Variants in GZMM observed in about 807,000 individuals in gnomAD.
GZMM encodes granzyme M, also known as HU-Met-1.
A neutral mutation model predicts 19.2 loss-of-function variants in GZMM; 23 were observed. That is an observed-to-expected ratio of 1.20 (90% CI 0.86 to 1.69). The LOEUF is 1.69. Among genes scored for constraint, GZMM ranks in the 40% most tolerant of loss-of-function variants. GZMM has a pLI of 0.00. For synonymous variants in GZMM, 178 were observed against 160.2 expected, an observed-to-expected ratio of 1.11 and a Z score of -0.84; for missense variants, 373 against 352.2, an observed-to-expected ratio of 1.06 and a Z score of -0.47.
At chr19:545,396 G>A (rs1370551980) in intron 1 of GZMM, among the ~76,000 whole-genome samples, 1 of 152,228 alleles carries the variant, frequency 6.6e-6, no homozygotes, top group Non-Finnish European at 1.5e-5. Flanking sequence ...CACCCAGGCT[G>A]GAGTGCGATG....
Position 549,098 on chromosome 19 carries a change from GTGTAACAACAGCCGCTTC to G in GZMM, c.528_545del (p.Cys176_Phe181del). 1 of 1,586,086 alleles carries G rather than the reference GTGTAACAACAGCCGCTTC, an allele frequency of 6.3e-7. No individual in the cohort carries two copies. Among genetic ancestry groups the G allele is most frequent in the African/African-American group, 1.3e-5 (1 of 74,680 alleles). ...ACCTCCAAGTGCTGGACACCCGCAT[GTGTAACAACAGCCGCTTC>G]TGGAACGGCAGCCTCTCCCCCAGCA... On this transcript the variant is annotated inframe_deletion, in exon 4 of 5. Transcript: ENST00000264553.
intron 1 of GZMM, among the ~76,000 whole-genome samples, chr19:545,338 G>T (rs1352307988): frequency 2.0e-5 from 3 of 152,136 alleles, no homozygotes; most frequent in Admixed American, 2.0e-4. Flanking sequence ...ACAGACAAAG[G>T]CCCAGGGTGC....
chr19:547,486 G>A (rs1211002617), intron 2 of GZMM, 50 bp downstream of exon 2: 40 of 1,309,058 alleles, frequency 3.1e-5, no homozygotes, highest in Non-Finnish European at 3.7e-5. Flanking sequence ...TCCATCCGAC[G>A]GCGCCCATTC....
intron 1 of GZMM, among the ~76,000 whole-genome samples, chr19:545,580 C>G (rs1339485516): frequency 2.6e-5 from 4 of 151,978 alleles, no homozygotes; most frequent in Non-Finnish European, 5.9e-5. Context: ...CTCCCAACCT[C>G]AGGTGATCCG....
At chr19:544,734 C>CTCCTT (rs1555721585) in intron 1 of GZMM, among the ~76,000 whole-genome samples, 3 of 107,706 alleles carry the variant, frequency 2.8e-5, no homozygotes, top group African/African-American at 7.0e-5. Context: ...CCCTCCCTCC[C>CTCCTT]TCATCTCCCC....
At chr19:547,857 G>A (rs1300218860) in intron 2 of GZMM, among the ~76,000 whole-genome samples, 7 of 152,148 alleles carry the variant, frequency 4.6e-5, no homozygotes, top group East Asian at 1.9e-4. Flanking sequence ...CTCGGGAATC[G>A]ACCTGGTTCC....
intron 1 of GZMM, among the ~76,000 whole-genome samples, chr19:545,118 C>T (rs997096664): frequency 3.3e-5 from 5 of 151,560 alleles, no homozygotes; most frequent in Non-Finnish European, 4.4e-5. Flanking sequence ...TCCTTTCTCC[C>T]GTGCTTCTGT....
intron 1 of GZMM, 93 bp from the exon 2 acceptor site, chr19:547,186 TG>T: frequency 8.4e-7 from 1 of 1,191,464 alleles, no homozygotes. Context: ...CACATCTGCT[TG>T]GGGTCCTGGG....
chr19:546,359 C>G (rs147117950), intron 1 of GZMM, among the ~76,000 whole-genome samples: 301 of 149,934 alleles, frequency 2.0e-3, no homozygotes, highest in African/African-American at 6.6e-3. Flanking sequence ...GCCAACACGG[C>G]GAAACCCTGT....
At position 549,186 on chromosome 19, in the gene GZMM, G is replaced by C. The variant is rs753020053; in HGVS notation, c.612+1G>C. 2 of 1,567,088 alleles carry C rather than the reference G, an allele frequency of 1.3e-6. No individual in the cohort carries two copies. The highest frequency in any genetic ancestry group is 3.8e-5 in the Admixed American group (2 of 53,280). On this transcript the variant is annotated splice_donor_variant, in intron 4 of 4. Coordinates refer to ENST00000264553, the MANE Select transcript of GZMM (RefSeq NM_005317.4). LOFTEE classifies it high-confidence loss of function. ...CTCCAAGGACCAGGCTCCCTGCAAG[G>C]TGAGGGGCGCCCGGGTGGGGCTGGG...
At position 549,645 on chromosome 19, in the gene GZMM, C is replaced by T. The variant is rs542623279; in HGVS notation, c.628C>T (p.Pro210Ser). 6.2e-7 allele frequency: 1 copy of T among 1,612,474 alleles called. No individual in the cohort carries two copies. The highest frequency in any genetic ancestry group is 8.5e-7 in the Non-Finnish European group (1 of 1,179,628). Residue 210 changes from proline to serine, a missense_variant, in exon 5 of 5, where the codon CCC (proline) becomes TCC (serine). By Grantham distance (74) the Pro-to-Ser change is moderately conservative. Transcript: ENST00000264553. ...QAPCKGDSGG[P>S]LVCGKGRVLA... ...GTCCCTGCAGGGTGACTCGGGCGGG[C>T]CCCTGGTGTGTGGCAAAGGCCGGGT...
intron 3 of GZMM, 91 bp downstream of exon 3, chr19:548,768 C>G: frequency 1.1e-6 from 1 of 935,642 alleles, no homozygotes; most frequent in Non-Finnish European, 1.5e-6. Flanking sequence ...CGCTGCCGAC[C>G]CTCCCCCCGC....
chr19:547,794 TG>T (rs774516886), intron 2 of GZMM, among the ~76,000 whole-genome samples: 47 of 151,886 alleles, frequency 3.1e-4, no homozygotes, highest in Non-Finnish European at 6.3e-4. Context: ...GAGGGTCAGG[TG>T]GGGGTGTTTG....
At chr19:546,357 G>C (rs868686883) in intron 1 of GZMM, among the ~76,000 whole-genome samples, 6 of 151,362 alleles carry the variant, frequency 4.0e-5, no homozygotes, top group Non-Finnish European at 8.8e-5. Flanking sequence ...TGGCCAACAC[G>C]GCGAAACCCT....
chr19:548,509 A>G lies in GZMM; in HGVS notation c.213-33A>G, dbSNP rs772114613. 7 of 1,608,912 alleles carry G rather than the reference A, an allele frequency of 4.4e-6. No individual in the cohort carries two copies. The South Asian group carries it at 7.7e-5, about 18-fold the overall frequency. On this transcript the variant is annotated intron_variant, in intron 2 of 4. Transcript: ENST00000264553. ...TGTGGCGGGTCGTCCACGCCGGGCC[A>G]GGCCGCAGCACCCTGATTCCCTCTG...
chr19:548,467 TG>T (rs1980368255), intron 2 of GZMM, 74 bp from the exon 3 acceptor site: 16 of 1,476,480 alleles, frequency 1.1e-5, no homozygotes, highest in Non-Finnish European at 1.9e-6. Flanking sequence ...ACGGGCACAG[TG>T]GGGGCCGGGA....
intron 3 of GZMM, 48 bp downstream of exon 3, chr19:548,725 C>T (rs778501085): frequency 4.0e-5 from 63 of 1,578,442 alleles, no homozygotes; most frequent in South Asian, 2.9e-4. Context: ...CTGTCCCCCA[C>T]GGGTGCCCCT....
In GZMM at chr19:549,203, G is replaced by T; in HGVS notation, c.612+18G>T. 1.3e-6 allele frequency: 2 copies of T among 1,554,034 alleles called. No homozygotes were observed. Among genetic ancestry groups the T allele is most frequent in the East Asian group, 2.4e-5 (1 of 42,314 alleles). ...CCTGCAAGGTGAGGGGCGCCCGGGTGGGGCTGGGGGAATGAGGCTGGCGGG... is the reference window on the plus strand; with the variant it reads ...CCTGCAAGGTGAGGGGCGCCCGGGTTGGGCTGGGGGAATGAGGCTGGCGGG... On this transcript the variant is annotated intron_variant, in intron 4 of 4. Coordinates refer to ENST00000264553, the MANE Select transcript of GZMM (RefSeq NM_005317.4).
intron 1 of GZMM, among the ~76,000 whole-genome samples, 163 bp from the exon 2 acceptor site, chr19:547,117 G>A (rs564959907): frequency 1.6e-4 from 24 of 151,832 alleles, no homozygotes; most frequent in African/African-American, 5.6e-4. Flanking sequence ...GGGATGAAGG[G>A]CAGCCCACAC....
Sources: allele counts gnomAD v4.1 joint callset (sites outside exome capture counted in the v4.1 genomes callset), GRCh38; gene constraint gnomAD v4.1.1; transcripts MANE v1.5; gene names NCBI Gene and HGNC (gene_info 2026-07-23, HGNC 2026-07-21).